The following CNTN4 variants were observed in gnomAD, a reference collection of about 807,000 sequenced individuals.
CNTN4 encodes contactin 4.
In CNTN4, 77 loss-of-function variants were observed where a neutral mutation model predicts 122.5. That is an observed-to-expected ratio of 0.63 (90% CI 0.52 to 0.76). The LOEUF (loss-of-function observed/expected upper bound fraction) is 0.76, where lower values mean the gene tolerates loss of function less well. Among genes scored for constraint, CNTN4 ranks in the 30% least tolerant of loss-of-function variants. CNTN4 has a pLI of 0.00. For missense variants in CNTN4, 1,256 were observed against 1,259.1 expected, an observed-to-expected ratio of 1.00 and a Z score of 0.04; for synonymous variants, 512 against 447.0, an observed-to-expected ratio of 1.15 and a Z score of -1.83.
intron 4 of CNTN4, among the ~76,000 whole-genome samples, chr3:2,617,296 A>T (rs1238229545): frequency 6.6e-6 from 1 of 152,094 alleles, no homozygotes; most frequent in Admixed American, 6.6e-5. Flanking sequence ...AATTTTCAAG[A>T]AAAAAACAAC....
At chr3:3,033,401 A>C (rs899823381) in intron 16 of CNTN4, among the ~76,000 whole-genome samples, 1 of 152,208 alleles carries the variant, frequency 6.6e-6, no homozygotes, top group African/African-American at 2.4e-5. Context: ...GTGATTTTTA[A>C]AAAAGGAAAG....
At chr3:2,587,305 A>G (rs534087748) in intron 4 of CNTN4, among the ~76,000 whole-genome samples, 98 of 152,352 alleles carry the variant, frequency 6.4e-4, no homozygotes, top group South Asian at 2.3e-3. Flanking sequence ...ATAAAAATGC[A>G]GAAGTATTGT....
At chr3:2,839,663 T>C (rs889363155) in intron 7 of CNTN4, among the ~76,000 whole-genome samples, 1 of 152,222 alleles carries the variant, frequency 6.6e-6, no homozygotes, top group Non-Finnish European at 1.5e-5. Context: ...GGGAAGACCC[T>C]GAGGAAGTAA....
intron 10 of CNTN4, among the ~76,000 whole-genome samples, chr3:2,895,168 G>A (rs888085006): frequency 1.3e-5 from 2 of 152,040 alleles, no homozygotes; most frequent in African/African-American, 4.8e-5. Flanking sequence ...GAAAGATGAG[G>A]TTTCACCATG....
At chr3:2,911,344 A>G (rs1259277283) in intron 12 of CNTN4, among the ~76,000 whole-genome samples, 1 of 152,224 alleles carries the variant, frequency 6.6e-6, no homozygotes, top group African/African-American at 2.4e-5. Context: ...GCTCCTGAGT[A>G]GAAACCAACA....
chr3:2,726,431 G>A (rs894720571), intron 4 of CNTN4, among the ~76,000 whole-genome samples: 23 of 152,282 alleles, frequency 1.5e-4, no homozygotes, highest in African/African-American at 5.5e-4. Context: ...AACCACTTGA[G>A]TTGAAAGAGT....
intron 2 of CNTN4, among the ~76,000 whole-genome samples, chr3:2,281,583 C>G (rs1308415314): frequency 1.3e-5 from 2 of 152,036 alleles, no homozygotes; most frequent in South Asian, 2.1e-4. Flanking sequence ...CCCTGTCATG[C>G]CTGGCAATGT....
chr3:2,902,074 A>G (rs1263172982), intron 11 of CNTN4, among the ~76,000 whole-genome samples: 1 of 152,178 alleles, frequency 6.6e-6, no homozygotes, highest in Non-Finnish European at 1.5e-5. Flanking sequence ...GGGAACATGA[A>G]TATCTAGATT....
chr3:2,103,028 A>G (rs1158748097), intron 2 of CNTN4, among the ~76,000 whole-genome samples: 1 of 152,032 alleles, frequency 6.6e-6, no homozygotes, highest in Non-Finnish European at 1.5e-5. Context: ...TTTAAAGCAC[A>G]TTGCCCTACT....
chr3:2,148,389 A>AC (rs974444648), intron 2 of CNTN4, among the ~76,000 whole-genome samples: 3 of 151,422 alleles, frequency 2.0e-5, no homozygotes, highest in Non-Finnish European at 4.4e-5. Flanking sequence ...AAAAAAAAAA[A>AC]TTAGCCTTGG....
intron 2 of CNTN4, among the ~76,000 whole-genome samples, chr3:2,209,533 T>A (rs949133384): frequency 2.0e-5 from 3 of 151,954 alleles, no homozygotes; most frequent in Non-Finnish European, 4.4e-5. Context: ...ACAAAAAAGG[T>A]CCCTGTTTTT....
At position 2,709,913 on chromosome 3, in the gene CNTN4, C is replaced by CA. The variant is rs5846215; in HGVS notation, c.56-26292dup. On this transcript the variant is annotated intron_variant, in intron 4 of 24. Transcript: ENST00000418658. The surrounding 1 kb of genome is among the most constrained non-coding windows in gnomAD (Gnocchi z 5.0). ...AGACCCTGTCTCAAACATATAAATA[C>CA]AAAAAAAAAATAAGAATAAACTCCA... 2.6e-3 allele frequency among the ~76,000 whole-genome samples: 382 copies of CA among 148,262 alleles called. 2 individuals carry two copies. Among genetic ancestry groups the CA allele is most frequent in the Middle Eastern group, 7.0e-3 (2 of 284 alleles).
intron 2 of CNTN4, among the ~76,000 whole-genome samples, chr3:2,291,171 A>T (rs1466240427): frequency 2.0e-5 from 3 of 151,844 alleles, no homozygotes; most frequent in South Asian, 2.1e-4. Context: ...ATTTATGTAA[A>T]TTTTTTTACC....
chr3:2,170,502 C>T (rs2036454724), intron 2 of CNTN4, among the ~76,000 whole-genome samples: 1 of 152,164 alleles, frequency 6.6e-6, no homozygotes, highest in East Asian at 1.9e-4. Context: ...ACACTCTCCT[C>T]CTAAATGGGA....
chr3:2,429,924 A>C (rs1044482815), intron 3 of CNTN4, among the ~76,000 whole-genome samples: 1 of 152,146 alleles, frequency 6.6e-6, no homozygotes, highest in East Asian at 1.9e-4. Flanking sequence ...GGAAAAGTGC[A>C]GTATTAGGAT....
At chr3:2,676,605 G>A (rs1275576183) in intron 4 of CNTN4, among the ~76,000 whole-genome samples, 2 of 152,174 alleles carry the variant, frequency 1.3e-5, no homozygotes, top group Non-Finnish European at 2.9e-5. Context: ...CATTTGAAGT[G>A]CACCTTGATG....
chr3:2,994,613 ATG>A (rs1553719119), intron 14 of CNTN4, among the ~76,000 whole-genome samples: 7 of 142,208 alleles, frequency 4.9e-5, no homozygotes, highest in East Asian at 2.1e-4. Context: ...ATATATATAT[ATG>A]TGTGTATATA....
intron 6 of CNTN4, among the ~76,000 whole-genome samples, chr3:2,748,750 C>T (rs1219515345): frequency 6.6e-6 from 1 of 152,164 alleles, no homozygotes; most frequent in Admixed American, 6.5e-5. Flanking sequence ...CCGTCTGCAT[C>T]GTCTTGAGCC....
chr3:2,429,848 A>T (rs2616576), intron 3 of CNTN4, among the ~76,000 whole-genome samples: 1 of 152,000 alleles, frequency 6.6e-6, no homozygotes. Context: ...TGCTAACAAT[A>T]AGTGAGGCTC....
Sources: gnomAD v4.1 joint callset for allele counts (sites outside exome capture counted in the v4.1 genomes callset) on GRCh38, gnomAD v4.1.1 for gene constraint, Gnocchi (gnomAD v3.1) non-coding constraint, MANE v1.5 for transcripts, NCBI Gene and HGNC (gene_info 2026-07-23, HGNC 2026-07-21) for gene names.